TTC39C: variants seen among roughly 807,000 people sequenced by gnomAD.
TTC39C encodes tetratricopeptide repeat domain 39C.
A neutral mutation model predicts 76.3 loss-of-function variants in TTC39C; 33 were observed. The ratio of observed to expected loss-of-function variants is 0.43; its 90% CI spans 0.33 to 0.58. The LOEUF is 0.58. Ranked by LOEUF, TTC39C falls within the 20% of genes least tolerant of loss-of-function variation. The pLI is 0.04. For missense variants in TTC39C, 595 were observed against 701.4 expected (o/e 0.85, Z 1.71); for synonymous variants, 254 against 260.6 (o/e 0.97, Z 0.24).
chr18:24,098,713 AC>A (rs2084632325), intron 6 of TTC39C, among the ~76,000 whole-genome samples: 1 of 150,602 alleles, frequency 6.6e-6, no homozygotes, highest in South Asian at 2.1e-4. Flanking sequence ...GTTCATTGCA[AC>A]CTCTGCCTCC....
chr18:24,093,245 C>T (rs1055932291), intron 6 of TTC39C, among the ~76,000 whole-genome samples: 21 of 152,006 alleles, frequency 1.4e-4, no homozygotes, highest in African/African-American at 3.6e-4. Flanking sequence ...TTTGGGAGGC[C>T]GAGGCGGGCA....
At chr18:24,084,461 G>T (rs186862534) in intron 6 of TTC39C, among the ~76,000 whole-genome samples, 22 of 152,098 alleles carry the variant, frequency 1.4e-4, no homozygotes, top group Admixed American at 1.3e-3. Context: ...CTCCAGCCTG[G>T]GTGACAGAGT....
In TTC39C at chr18:24,116,082, TTTCCTGAGTTATTCCTGACTTA is replaced by T. The variant is rs1350962855; in HGVS notation, c.1078+1460_1078+1481del. Among the ~76,000 whole-genome samples, 5 of 152,348 alleles carry T rather than the reference TTTCCTGAGTTATTCCTGACTTA, an allele frequency of 3.3e-5. No individual in the cohort carries two copies. The South Asian group carries it at 6.2e-4, about 19-fold the overall frequency. ...GGCTCGGAAGCTTGAGTTGGTACTTTTTCCTGAGTTATTCCTGACTTATTCCTGAGTTATTCCTGACTTATTT... is the reference window on the plus strand; with the variant it reads ...GGCTCGGAAGCTTGAGTTGGTACTTTTTCCTGAGTTATTCCTGACTTATTT... On this transcript the variant is annotated intron_variant, in intron 7 of 13. Transcript: ENST00000317571.
chr18:23,999,855 T>C (rs2083298798), intron 1 of TTC39C, among the ~76,000 whole-genome samples: 1 of 152,204 alleles, frequency 6.6e-6, no homozygotes, highest in South Asian at 2.1e-4. Flanking sequence ...CCTTCCTGAT[T>C]CTAATGTTGT....
rs1219237269 is a variant in TTC39C, at chr18:24,134,165, A to T, written c.*1591A>T. On this transcript the variant is annotated 3_prime_UTR_variant, in exon 14 of 14. Coordinates refer to ENST00000317571, the MANE Select transcript of TTC39C (RefSeq NM_001135993.2). ...TTCCGTGTGGGTTTTAGATAATAGT[A>T]AGAGAGAAGAGATTGCTCTCCTATA... 2 of 154,210 alleles carry T rather than the reference A, an allele frequency of 1.3e-5. No homozygotes were observed. Among genetic ancestry groups the T allele is most frequent in the Non-Finnish European group, 2.9e-5 (2 of 68,146 alleles). The allele number at this position is 154,210 out of a possible 1,614,324, so 9.6% of individuals were successfully genotyped here. A position where few individuals can be genotyped will look rare whatever the true frequency, so the allele number is the denominator to read the frequency against.
At chr18:24,130,148 A>C (rs1366536951) in intron 11 of TTC39C, among the ~76,000 whole-genome samples, 165 bp from the exon 12 acceptor site, 2 of 152,212 alleles carry the variant, frequency 1.3e-5, no homozygotes, top group African/African-American at 4.8e-5. Context: ...CATGTAAAGG[A>C]CTTCTAAGAT....
At chr18:24,002,310 A>G (rs16940425) in intron 1 of TTC39C, among the ~76,000 whole-genome samples, 11,016 of 152,214 alleles carry the variant, frequency 0.072, 755 homozygotes, top group Admixed American at 0.17. Flanking sequence ...CAAATGGGCA[A>G]GCATGGAGAC....
chr18:24,093,478 CAAA>C (rs34863957), intron 6 of TTC39C, among the ~76,000 whole-genome samples: 2 of 113,156 alleles, frequency 1.8e-5, no homozygotes, highest in Non-Finnish European at 3.9e-5. Context: ...GACTCTGTCT[CAAA>C]AAAAAAAAAA....
chr18:24,035,947 A>G (rs768162581), intron 1 of TTC39C, among the ~76,000 whole-genome samples: 18 of 152,154 alleles, frequency 1.2e-4, no homozygotes, highest in Non-Finnish European at 2.5e-4. Flanking sequence ...TTGTGACTTA[A>G]TATTTTGTAT....
chr18:24,118,976 G>A (rs776232516), intron 8 of TTC39C, among the ~76,000 whole-genome samples: 4 of 152,086 alleles, frequency 2.6e-5, no homozygotes, highest in Non-Finnish European at 5.9e-5. Context: ...TTTTTGTTTG[G>A]TTCGTGCCCT....
intron 1 of TTC39C, among the ~76,000 whole-genome samples, chr18:24,045,443 C>T (rs1599268232): frequency 6.6e-6 from 1 of 152,010 alleles, no homozygotes. Context: ...AATATTATGG[C>T]ATATTCAGTT....
chr18:24,003,399 T>C (rs2083328393), intron 1 of TTC39C, among the ~76,000 whole-genome samples: 1 of 152,200 alleles, frequency 6.6e-6, no homozygotes, highest in African/African-American at 2.4e-5. Context: ...CCCACTAGAC[T>C]AGAAGATTCT....
upstream of TTC39C, among the ~76,000 whole-genome samples, chr18:24,012,691 G>A (rs2083402400): frequency 6.6e-6 from 1 of 152,050 alleles, no homozygotes; most frequent in South Asian, 2.1e-4. Context: ...TGGGCAAATG[G>A]TTCCACAGAT....
At chr18:24,049,778 A>G (rs2083926476) in intron 1 of TTC39C, among the ~76,000 whole-genome samples, 2 of 152,272 alleles carry the variant, frequency 1.3e-5, no homozygotes, top group Non-Finnish European at 2.9e-5. Context: ...TGGGAAATGT[A>G]TAGGATTAAA....
At chr18:24,078,738 G>GGCACCCCTACTTT (rs56949300) in intron 4 of TTC39C, among the ~76,000 whole-genome samples, 2 of 152,156 alleles carry the variant, frequency 1.3e-5, no homozygotes, top group Admixed American at 1.3e-4. Context: ...CGATCATGTA[G>GGCACCCCTACTTT]GCACATAGAC....
chr18:24,099,585 G>T (rs2084651969), intron 6 of TTC39C, among the ~76,000 whole-genome samples: 1 of 151,680 alleles, frequency 6.6e-6, no homozygotes, highest in African/African-American at 2.4e-5. Flanking sequence ...AATATTTCTG[G>T]GACTTGTGTT....
At chr18:24,043,521 A>G (rs2083823592) in intron 1 of TTC39C, among the ~76,000 whole-genome samples, 1 of 151,218 alleles carries the variant, frequency 6.6e-6, no homozygotes, top group African/African-American at 2.5e-5. Flanking sequence ...CTGGTCATGA[A>G]CCAGGTTGGA....
intron 6 of TTC39C, among the ~76,000 whole-genome samples, chr18:24,095,094 A>G (rs916536703): frequency 1.3e-4 from 20 of 152,126 alleles, no homozygotes; most frequent in Non-Finnish European, 7.4e-5. Flanking sequence ...TTTTCTTGCT[A>G]TGGCTTCTCC....
chr18:24,108,045 C>T (rs1008129458), intron 6 of TTC39C, among the ~76,000 whole-genome samples: 86 of 152,178 alleles, frequency 5.7e-4, no homozygotes, highest in African/African-American at 1.9e-3. Flanking sequence ...TTACAAACTG[C>T]GAACTTAGTT....
Sources: gnomAD v4.1 joint callset for allele counts (sites outside exome capture counted in the v4.1 genomes callset) on GRCh38, gnomAD v4.1.1 for gene constraint, MANE v1.5 for transcripts, NCBI Gene and HGNC (gene_info 2026-07-23, HGNC 2026-07-21) for gene names.